The following APLP1 variants were observed in gnomAD, a reference collection of about 807,000 sequenced individuals.
APLP1 encodes the protein amyloid beta precursor like protein 1.
Under a neutral mutation model 84.5 loss-of-function variants are expected in APLP1, and 46 were observed. That is an observed-to-expected ratio of 0.54 (90% CI 0.43 to 0.70). The LOEUF (loss-of-function observed/expected upper bound fraction) is 0.70, where lower values mean the gene tolerates loss of function less well. APLP1 is among the 30% of genes least tolerant of loss of function. The pLI is 0.00. For missense variants in APLP1, 826 were observed against 900.2 expected (o/e 0.92, Z 1.05); for synonymous variants, 376 against 364.0 (o/e 1.03, Z -0.38).
rs951435992 is a variant in APLP1, at chr19:35,869,370, C to G, written c.148-297C>G. 1.0e-4 allele frequency: 58 copies of G among 580,060 alleles called. 1 individual carries two copies. The highest frequency in any genetic ancestry group is 5.1e-5 in the Non-Finnish European group (17 of 331,718). The allele number at this position is 580,060 out of a possible 1,614,324, so 35.9% of individuals were successfully genotyped here. The stretch of plus-strand genomic sequence containing the variant: ...GGTTCTGGCCTCCTCCTCCGCGATT[C>G]AGGTTTAACCCCTTCGGGCTCCAGA... On this transcript the variant is annotated intron_variant, in intron 1 of 16. Coordinates refer to ENST00000221891, the MANE Select transcript of APLP1 (RefSeq NM_001024807.3).
chr19:35,870,401 A>C (rs2146901306), intron 2 of APLP1: 1 of 169,950 alleles, frequency 5.9e-6, no homozygotes, highest in South Asian at 1.3e-4. Context: ...GGGCGTGGCC[A>C]ATGAGCACAA....
chr19:35,871,217 G>T lies in APLP1; in HGVS notation c.425-20G>T. The T allele has an allele frequency of 6.2e-7, 1 of 1,607,516 alleles. No homozygotes were observed. Among genetic ancestry groups the T allele is most frequent in the Non-Finnish European group, 8.5e-7 (1 of 1,175,788 alleles). ...GGTGGCTATAGGAGGATCTCACCCT[G>T]GTGTCCCGTGCTTCCCCAGCTGGTG... is the stretch of plus-strand genomic sequence containing the variant. On this transcript the variant is annotated intron_variant, in intron 3 of 16. Coordinates refer to ENST00000221891, the MANE Select transcript of APLP1 (RefSeq NM_001024807.3).
chr19:35,869,554 G>C (rs1974086114), intron 1 of APLP1, 113 bp from the exon 2 acceptor site: 1 of 1,419,916 alleles, frequency 7.0e-7, no homozygotes. Context: ...GCGGTGTGCG[G>C]TGCTTGGGGG....
intron 12 of APLP1, 24 bp downstream of exon 12, chr19:35,877,849 A>T (rs755139423): frequency 3.8e-6 from 6 of 1,578,870 alleles, no homozygotes; most frequent in Non-Finnish European, 5.2e-6. Flanking sequence ...CATATAGATG[A>T]CCCCAGACAT....
At chr19:35,875,826 C>T (rs1474528577) in intron 10 of APLP1, among the ~76,000 whole-genome samples, 1 of 151,230 alleles carries the variant, frequency 6.6e-6, no homozygotes, top group Non-Finnish European at 1.5e-5. Flanking sequence ...GCCATGTTGC[C>T]CAGGCTGGTC....
chr19:35,873,853 A>C, intron 8 of APLP1, 140 bp downstream of exon 8: 1 of 756,280 alleles, frequency 1.3e-6, no homozygotes, highest in Non-Finnish European at 2.2e-6. Flanking sequence ...CCATGCCTAC[A>C]TGCAGCTCTG....
At position 35,871,715 on chromosome 19, in the gene APLP1, G is replaced by A; in HGVS notation, c.641G>A (p.Gly214Glu). ...GVEYVCCPPP[G>E]TPDPSGTAVG... ...GAGTATGTGTGCTGTCCCCCTCCAG[G>A]GACCCCCGACCCATCTGGGACAGCA... The change falls in exon 5 of 17, where the codon GGG becomes GAG. Residue 214 changes from glycine (G) to glutamate (E), a missense_variant. Physicochemically the swap from Gly to Glu is moderately conservative, Grantham distance 98 (BLOSUM62 -2). Coordinates refer to ENST00000221891, the MANE Select transcript of APLP1 (RefSeq NM_001024807.3). 6.2e-7 allele frequency: 1 copy of A among 1,614,034 alleles called. No homozygotes were observed. Among genetic ancestry groups the A allele is most frequent in the South Asian group, 1.1e-5 (1 of 91,086 alleles).
rs769123017 is a variant in APLP1, at chr19:35,871,887, G to A, written c.701G>A (p.Gly234Glu). ...CCCTCCACCCGGTCCTGGCCCCCGG[G>A]GAGCAGAGTAGAGGGGGCTGAGGAC... ...GDPSTRSWPP[G>E]SRVEGAEDEE... The change falls in exon 6 of 17, where the codon GGG becomes GAG. Residue 234 changes from glycine (G) to glutamate (E), a missense_variant. Gly to Glu is a moderately conservative substitution (Grantham distance 98, BLOSUM62 -2). Transcript: ENST00000221891. The A allele has an allele frequency of 1.9e-6, 3 of 1,614,104 alleles. No individual in the cohort carries two copies. The highest frequency in any genetic ancestry group is 1.7e-6 in the Non-Finnish European group (2 of 1,180,018).
Position 35,870,917 on chromosome 19 carries a change from G to T in APLP1, c.313G>T (p.Ala105Ser). The change falls in exon 3 of 17, where the codon GCA becomes TCA. Residue 105 changes from alanine (A) to serine (S), a missense_variant. Transcript: ENST00000221891. ...CCAGATGTACCCGGAGCTGCAGATT[G>T]CACGTGTGGAGCAGGCTACGCAGGC... The part of the protein sequence containing the change: ...CRQMYPELQI[A>S]RVEQATQAIP... The T allele has an allele frequency of 6.2e-7, 1 of 1,604,686 alleles. No homozygotes were observed. The highest frequency in any genetic ancestry group is 8.5e-7 in the Non-Finnish European group (1 of 1,176,584).
Position 35,878,575 on chromosome 19 carries a change from T to C in APLP1, c.1580-9T>C, listed in dbSNP as rs751387245. 1.9e-6 allele frequency: 3 copies of C among 1,612,274 alleles called. No homozygotes were observed. In the South Asian group the frequency reaches 3.3e-5, roughly 18 times the overall value. ...AAAAAAAAAAGAATGAGATCAGACT[T>C]GGGGGTAGGGTCCACAGAACAAGAT... On this transcript the variant is annotated splice_polypyrimidine_tract_variant and intron_variant, in intron 13 of 16. Transcript: ENST00000221891.
chr19:35,873,641 G>A lies in APLP1; in HGVS notation c.984G>A (p.Val328=). 1 of 1,614,134 alleles carries A rather than the reference G, an allele frequency of 6.2e-7. No individual in the cohort carries two copies. Among genetic ancestry groups the A allele is most frequent in the Non-Finnish European group, 8.5e-7 (1 of 1,180,000 alleles). The change falls in exon 8 of 17, where the codon GTG becomes GTA. Residue 328 remains valine (V), a splice_region_variant and synonymous_variant. Transcript: ENST00000221891. ...EERRMRQINE[V]MREWAMADNQ... ...CTGAAGCTCCCCTCCCTATGCAGGT[G>A]ATGCGTGAATGGGCCATGGCAGACA...
At position 35,879,483 on chromosome 19, in the gene APLP1, T is replaced by G; in HGVS notation, c.*42T>G. On this transcript the variant is annotated 3_prime_UTR_variant, in exon 17 of 17. Coordinates refer to ENST00000221891, the MANE Select transcript of APLP1 (RefSeq NM_001024807.3). ...CCTTCAGCCGAGCCCAGACCTCCCC[T>G]CTTCCTGGAGCCCCAGAACCCCAAC... The G allele has an allele frequency of 2.5e-6, 4 of 1,576,846 alleles. No homozygotes were observed. Among genetic ancestry groups the G allele is most frequent in the Non-Finnish European group, 3.5e-6 (4 of 1,149,392 alleles).
Position 35,878,104 on chromosome 19 carries a change from A to C in APLP1, c.1575A>C (p.Pro525=). 1 of 1,612,700 alleles carries C rather than the reference A, an allele frequency of 6.2e-7. No individual in the cohort carries two copies. The highest frequency in any genetic ancestry group is 8.5e-7 in the Non-Finnish European group (1 of 1,179,428). Residue 525 remains proline, a synonymous_variant, in exon 13 of 17, where the codon CCA becomes CCC. Transcript: ENST00000221891. ...SKDADTPMTL[P]KGSTEQDAAS... ...CAGCAGACACCCCCATGACCCTTCC[A>C]AAAGGTGAGTGTCTCACAGTTAACC...
chr19:35,874,992 C>T lies in APLP1; in HGVS notation c.1344+123C>T, dbSNP rs530552540. 2.6e-5 allele frequency: 35 copies of T among 1,332,502 alleles called. No individual in the cohort carries two copies. Among genetic ancestry groups the T allele is most frequent in the East Asian group, 5.1e-5 (2 of 39,442 alleles). 82.5% of individuals were successfully genotyped at this position (1,332,502 alleles called of 1,614,324 possible). A position where few individuals can be genotyped will look rare whatever the true frequency, so the allele number is the denominator to read the frequency against. On this transcript the variant is annotated intron_variant, in intron 10 of 16. Transcript: ENST00000221891. This position sits in a 1 kb window ranked among gnomAD's most constrained non-coding sequence, Gnocchi z 6.4. ...GGACCCCTTCCTATCCCCTGAACAC[C>T]GCTTCTCTGCCCCTTCCCAGTCTCT...
intron 10 of APLP1, among the ~76,000 whole-genome samples, chr19:35,875,507 G>A (rs1188832406): frequency 6.6e-6 from 1 of 152,088 alleles, no homozygotes. Flanking sequence ...TGTATTTTTA[G>A]TAGAGACAGG....
intron 7 of APLP1, 102 bp downstream of exon 7, chr19:35,872,715 A>T: frequency 1.5e-6 from 2 of 1,377,088 alleles, no homozygotes; most frequent in Non-Finnish European, 2.0e-6. Flanking sequence ...AGGCTCCCTA[A>T]GCCCCTTTGA....
At position 35,873,863 on chromosome 19, in the gene APLP1, G is replaced by A. The variant is rs1974217940; in HGVS notation, c.1056+150G>A. ...TGGCCCCATGCCTACATGCAGCTCT[G>A]CCCCTCTTAGCCGTCATCTGACCTG... On this transcript the variant is annotated intron_variant, in intron 8 of 16. Transcript: ENST00000221891. 7.0e-6 allele frequency: 5 copies of A among 713,908 alleles called. No individual in the cohort carries two copies. The Admixed American group carries it at 1.1e-4, about 16-fold the overall frequency. The allele number at this position is 713,908 out of a possible 1,614,324, so 44.2% of individuals were successfully genotyped here.
Position 35,874,514 on chromosome 19 carries a change from C to T in APLP1, c.1067C>T (p.Ser356Phe), listed in dbSNP as rs376217167. 1.9e-6 allele frequency: 3 copies of T among 1,614,162 alleles called. No homozygotes were observed. The highest frequency in any genetic ancestry group is 2.5e-6 in the Non-Finnish European group (3 of 1,180,024). Reference sequence around the variant, plus strand: ...CCACCCGCTCCCCAGCACTTCCAGTCCATTCTGCAGACTCTGGAGGAGCAG... The same window carrying T: ...CCACCCGCTCCCCAGCACTTCCAGTTCATTCTGCAGACTCTGGAGGAGCAG... ...DRQALNEHFQ[S>F]ILQTLEEQVS... Residue 356 changes from serine (S) to phenylalanine (F), a missense_variant, in exon 9 of 17, where the codon TCC (serine) becomes TTC (phenylalanine). By Grantham distance (155) the Ser-to-Phe change is radical. Around this residue, in one of 3 missense-constraint regions of APLP1, gnomAD observed 433 missense variants for 496.5 expected, o/e 0.87. Coordinates refer to ENST00000221891, the MANE Select transcript of APLP1 (RefSeq NM_001024807.3). This position sits in a 1 kb window ranked among gnomAD's most constrained non-coding sequence, Gnocchi z 6.4.
Position 35,879,445 on chromosome 19 carries a change from GGCCCCCTTC to G in APLP1, c.*5_*13del. The G allele has an allele frequency of 1.9e-6, 3 of 1,612,564 alleles. No individual in the cohort carries two copies. The highest frequency in any genetic ancestry group is 2.5e-6 in the Non-Finnish European group (3 of 1,179,806). ...CTTCCTGGAGGAACGACCCTGACCC[GGCCCCCTTC>G]ACCCCTTCAGCCGAGCCCAGACCTC... On this transcript the variant is annotated 3_prime_UTR_variant, in exon 17 of 17. Transcript: ENST00000221891.
Sources: gnomAD v4.1 joint callset for allele counts (sites outside exome capture counted in the v4.1 genomes callset) on GRCh38, gnomAD v4.1.1 for gene constraint, gnomAD v4.1.1 regional missense constraint, Gnocchi (gnomAD v3.1) non-coding constraint, MANE v1.5 for transcripts, NCBI Gene and HGNC (gene_info 2026-07-23, HGNC 2026-07-21) for gene names.